The following FGFR2 variants were observed in gnomAD, a reference collection of about 807,000 sequenced individuals.
FGFR2 encodes the protein fibroblast growth factor receptor 2, also known as BEK fibroblast growth factor receptor.
A neutral mutation model predicts 95.9 loss-of-function variants in FGFR2; 19 were observed. That is an observed-to-expected ratio of 0.20 (90% CI 0.14 to 0.29). The LOEUF (loss-of-function observed/expected upper bound fraction) is 0.29. Among genes scored for constraint, FGFR2 ranks in the 10% least tolerant of loss-of-function variants. The pLI, the probability that FGFR2 is intolerant of heterozygous loss-of-function variation, is 1.00. For missense variants in FGFR2, 707 were observed against 1,056.9 expected (o/e 0.67, Z 4.59); for synonymous variants, 392 against 393.3 (o/e 1.00, Z 0.04).
chr10:121,481,541 C>G (rs1018895285), intron 17 of FGFR2, among the ~76,000 whole-genome samples: 3 of 152,162 alleles, frequency 2.0e-5, no homozygotes, highest in Non-Finnish European at 2.9e-5. Flanking sequence ...GAAACAAACA[C>G]GCCCACCACA....
chr10:121,519,975 TC>T lies in FGFR2; in HGVS notation c.939+3del, dbSNP rs750598499. ...GGGTACCTTTAGATTCAGAAAGTCCTCACCTTGAGAACCTTGAGGTAGGGCA... is the reference window on the plus strand; with the variant it reads ...GGGTACCTTTAGATTCAGAAAGTCCTACCTTGAGAACCTTGAGGTAGGGCA... On this transcript the variant is annotated splice_donor_region_variant and intron_variant, in intron 7 of 17. Transcript: ENST00000358487. 1 of 1,614,144 alleles carries T rather than the reference TC, an allele frequency of 6.2e-7. No homozygotes were observed. The highest frequency in any genetic ancestry group is 8.5e-7 in the Non-Finnish European group (1 of 1,179,970).
chr10:121,533,754 T>A (rs1852407048), intron 6 of FGFR2, among the ~76,000 whole-genome samples: 1 of 152,106 alleles, frequency 6.6e-6, no homozygotes, highest in African/African-American at 2.4e-5. Flanking sequence ...AATGAAGAAG[T>A]CCGCTTGGAG....
intron 1 of FGFR2, chr10:121,594,186 T>A (rs541807190): frequency 2.3e-6 from 1 of 444,242 alleles, no homozygotes; most frequent in African/African-American, 2.0e-5. Context: ...AGCATACTTT[T>A]AAGAAACAGA....
chr10:121,561,346 C>A (rs578197255), intron 4 of FGFR2, among the ~76,000 whole-genome samples: 1 of 151,788 alleles, frequency 6.6e-6, no homozygotes, highest in East Asian at 1.9e-4. Context: ...ATTGCTTGAA[C>A]CCGGGAGGCA....
At chr10:121,520,666 G>A (rs548888382) in intron 6 of FGFR2, among the ~76,000 whole-genome samples, 2 of 152,002 alleles carry the variant, frequency 1.3e-5, no homozygotes, top group Middle Eastern at 3.4e-3. Flanking sequence ...TTTCTCAGAC[G>A]GGGTCTCACT....
chr10:121,491,817 C>T (rs989909477), intron 13 of FGFR2, among the ~76,000 whole-genome samples: 1 of 150,970 alleles, frequency 6.6e-6, no homozygotes, highest in Non-Finnish European at 1.5e-5. Flanking sequence ...CTGCAGTGAG[C>T]CGAGATAGCG....
intron 2 of FGFR2, among the ~76,000 whole-genome samples, chr10:121,568,525 T>C (rs1858047712): frequency 1.3e-5 from 2 of 151,952 alleles, no homozygotes; most frequent in African/African-American, 4.8e-5. Flanking sequence ...GGAAGGCACC[T>C]GGGACCCACA....
Position 121,538,625 on chromosome 10 carries a change from A to T in FGFR2, c.715T>A (p.Ser239Thr), listed in dbSNP as rs555207905. Reference sequence around the variant, plus strand: ...TCCAGGTGGTACGTGTGATTGATGGACCCGTATTCATTCTCCACTACACAG... The same window carrying T: ...TCCAGGTGGTACGTGTGATTGATGGTCCCGTATTCATTCTCCACTACACAG... Reference protein sequence around the residue: ...YTCVVENEYGSINHTYHLDVV... With the variant: ...YTCVVENEYGTINHTYHLDVV... Residue 239 changes from serine to threonine, a missense_variant, in exon 6 of 18, where the codon TCC becomes ACC. Transcript: ENST00000358487. 29 of 1,614,086 alleles carry T rather than the reference A, an allele frequency of 1.8e-5. 1 individual carries two copies. In the South Asian group the frequency reaches 3.1e-4, roughly 17 times the overall value.
In FGFR2 at chr10:121,531,059, A is replaced by T. The variant is rs1479763188; in HGVS notation, c.748+7533T>A. Among the ~76,000 whole-genome samples, 1 of 152,190 alleles carries T rather than the reference A, an allele frequency of 6.6e-6. No homozygotes were observed. The highest frequency in any genetic ancestry group is 1.5e-5 in the Non-Finnish European group (1 of 68,038). ...AAGATTAAATGCCAGACCAAATATT[A>T]GCCCTCTCTCCAGCCACCTCACCCA... On this transcript the variant is annotated intron_variant, in intron 6 of 17. Transcript: ENST00000358487. This position sits in a 1 kb window ranked among gnomAD's most constrained non-coding sequence, Gnocchi z 4.5.
chr10:121,481,082 G>A (rs906242575), intron 17 of FGFR2, among the ~76,000 whole-genome samples: 7 of 152,088 alleles, frequency 4.6e-5, no homozygotes, highest in Non-Finnish European at 7.3e-5. Flanking sequence ...CTACAGTGGC[G>A]AAGTTGCAAC....
At chr10:121,532,523 T>C (rs1165252098) in intron 6 of FGFR2, among the ~76,000 whole-genome samples, 3 of 152,208 alleles carry the variant, frequency 2.0e-5, no homozygotes, top group Admixed American at 2.0e-4. Flanking sequence ...CGCTTCTTCA[T>C]TTACTTAACC....
At chr10:121,519,029 T>A (rs1263589815) in intron 7 of FGFR2, among the ~76,000 whole-genome samples, 1 of 152,130 alleles carries the variant, frequency 6.6e-6, no homozygotes, top group Non-Finnish European at 1.5e-5. Flanking sequence ...GGCAGGAGGG[T>A]GTGAGCGATA....
chr10:121,537,117 C>A (rs1398087107), intron 6 of FGFR2, among the ~76,000 whole-genome samples: 1 of 152,188 alleles, frequency 6.6e-6, no homozygotes, highest in Non-Finnish European at 1.5e-5. Flanking sequence ...TGGTAATTCT[C>A]ACTAAGAAAC....
chr10:121,520,800 G>A (rs771879662), intron 6 of FGFR2, among the ~76,000 whole-genome samples: 10 of 152,058 alleles, frequency 6.6e-5, no homozygotes, highest in African/African-American at 1.7e-4. Flanking sequence ...CCGCCACCAC[G>A]CCCAGCTGAC....
intron 2 of FGFR2, among the ~76,000 whole-genome samples, chr10:121,590,300 T>C (rs557801429): frequency 6.0e-4 from 91 of 152,300 alleles, no homozygotes; most frequent in African/African-American, 2.2e-3. Flanking sequence ...AATGACTTAA[T>C]TAACCAGAGT....
chr10:121,520,273 G>A (rs1485271277), intron 6 of FGFR2, 104 bp from the exon 7 acceptor site: 2 of 1,225,898 alleles, frequency 1.6e-6, no homozygotes, highest in East Asian at 2.6e-5. Flanking sequence ...TGCCAGAAAA[G>A]CCTCAAGCCT....
At chr10:121,500,299 C>T (rs41295633) in intron 11 of FGFR2, among the ~76,000 whole-genome samples, 538 of 152,304 alleles carry the variant, frequency 3.5e-3, no homozygotes, top group African/African-American at 0.013. Flanking sequence ...AGGCTCTGCA[C>T]CAGCCCTGAT....
intron 5 of FGFR2, among the ~76,000 whole-genome samples, chr10:121,543,400 C>T (rs768931550): frequency 6.6e-6 from 1 of 152,142 alleles, no homozygotes; most frequent in Non-Finnish European, 1.5e-5. Context: ...ATCCCAGCTA[C>T]TCAGGAGGCT....
Position 121,538,578 on chromosome 10 carries a change from A to T in FGFR2, c.748+14T>A, listed in dbSNP as rs1338766985. 1 of 1,614,200 alleles carries T rather than the reference A, an allele frequency of 6.2e-7. No individual in the cohort carries two copies. Among genetic ancestry groups the T allele is most frequent in the African/African-American group, 1.3e-5 (1 of 75,060 alleles). Reference sequence around the variant, plus strand: ...GCTGGTATGCAGCCGCCACACGAGGAGAGGCAAACTCACCCACAACATCCA... The same window carrying T: ...GCTGGTATGCAGCCGCCACACGAGGTGAGGCAAACTCACCCACAACATCCA... On this transcript the variant is annotated intron_variant, in intron 6 of 17. Transcript: ENST00000358487.
Sources: gnomAD v4.1 joint callset for allele counts (sites outside exome capture counted in the v4.1 genomes callset) on GRCh38, gnomAD v4.1.1 for gene constraint, Gnocchi (gnomAD v3.1) non-coding constraint, MANE v1.5 for transcripts, NCBI Gene and HGNC (gene_info 2026-07-23, HGNC 2026-07-21) for gene names.